NIPAL3: variants seen among roughly 807,000 people sequenced by gnomAD.
The protein encoded by NIPAL3 is NIPA-like protein 3.
Under a neutral mutation model 47.2 loss-of-function variants are expected in NIPAL3, and 41 were observed. The ratio of observed to expected loss-of-function variants is 0.87; its 90% confidence interval spans 0.68 to 1.13. NIPAL3 has a LOEUF of 1.13. Ranked by LOEUF, NIPAL3 falls within the 50% of genes most tolerant of loss-of-function variation. The pLI is 0.00. For missense variants in NIPAL3, 449 were observed against 530.1 expected (o/e 0.85, Z 1.50); for synonymous variants, 194 against 209.6 (o/e 0.93, Z 0.64).
At position 24,458,867 on chromosome 1, in the gene NIPAL3, T is replaced by C. The variant is rs766904762; in HGVS notation, c.774-21T>C. On this transcript the variant is annotated intron_variant, in intron 8 of 11. Coordinates refer to ENST00000374399, the MANE Select transcript of NIPAL3 (RefSeq NM_020448.5). ...TCCAACGTCTCCACAGCCCACTGAC[T>C]GGAGTGCTTTTGTGTTGAAGGTTTT... The C allele has an allele frequency of 2.3e-5, 37 of 1,604,748 alleles. 2 individuals are homozygous for C. The South Asian group carries it at 3.7e-4, about 16-fold the overall frequency.
At chr1:24,458,338 G>A (rs1646318676) in intron 8 of NIPAL3, among the ~76,000 whole-genome samples, 1 of 152,168 alleles carries the variant, frequency 6.6e-6, no homozygotes, top group Non-Finnish European at 1.5e-5. Flanking sequence ...CAGAGAAAGG[G>A]CAAAGAATAT....
At position 24,419,470 on chromosome 1, in the gene NIPAL3, T is replaced by G. The variant is rs1481287420; in HGVS notation, c.-78T>G. 35 of 1,454,046 alleles carry G rather than the reference T, an allele frequency of 2.4e-5. No individual in the cohort carries two copies. The highest frequency in any genetic ancestry group is 3.1e-5 in the Non-Finnish European group (34 of 1,099,642). 90.1% of individuals were successfully genotyped at this position (1,454,046 alleles called of 1,614,324 possible). On this transcript the variant is annotated 5_prime_UTR_variant, in exon 2 of 12. It removes an upstream start codon present in the reference 5' UTR. Transcript: ENST00000374399. ...GGGAGGTGAACACCACAAGGAGAGATGGCATCTGGCCTGGGCCCCGCCTAG... is the reference window on the plus strand; with the variant it reads ...GGGAGGTGAACACCACAAGGAGAGAGGGCATCTGGCCTGGGCCCCGCCTAG...
chr1:24,444,832 C>T (rs928415242), intron 4 of NIPAL3, among the ~76,000 whole-genome samples: 103 of 152,268 alleles, frequency 6.8e-4, no homozygotes, highest in African/African-American at 2.3e-3. Flanking sequence ...TTCATGATCT[C>T]GAGTGGGCCC....
intron 7 of NIPAL3, 70 bp downstream of exon 7, chr1:24,453,574 T>C: frequency 7.9e-7 from 1 of 1,260,078 alleles, no homozygotes; most frequent in African/African-American, 1.5e-5. Flanking sequence ...TGGGTTTTGT[T>C]TGCAGAGCTG....
chr1:24,445,379 G>C, intron 5 of NIPAL3, 135 bp downstream of exon 5: 1 of 564,976 alleles, frequency 1.8e-6, no homozygotes. Context: ...CCCTCAACAG[G>C]CTCCTGAGAG....
At chr1:24,418,006 C>T (rs1644138108) in intron 1 of NIPAL3, among the ~76,000 whole-genome samples, 1 of 152,202 alleles carries the variant, frequency 6.6e-6, no homozygotes. Flanking sequence ...TTAACAGCAG[C>T]TCACATTCAT....
At chr1:24,427,298 T>C (rs1644636497) in intron 2 of NIPAL3, among the ~76,000 whole-genome samples, 1 of 152,224 alleles carries the variant, frequency 6.6e-6, no homozygotes, top group South Asian at 2.1e-4. Flanking sequence ...GTACAAGCAG[T>C]GTAGCCCAGG....
intron 2 of NIPAL3, among the ~76,000 whole-genome samples, chr1:24,434,971 C>T (rs1440490284): frequency 6.6e-6 from 1 of 152,136 alleles, no homozygotes; most frequent in Non-Finnish European, 1.5e-5. Flanking sequence ...GGAAGAAGAA[C>T]AATGTTGAAG....
Position 24,454,143 on chromosome 1 carries a change from C to A in NIPAL3, c.637+639C>A. 1 of 1,241,992 alleles carries A rather than the reference C, an allele frequency of 8.1e-7. No homozygotes were observed. The highest frequency in any genetic ancestry group is 1.0e-6 in the Non-Finnish European group (1 of 966,646). 76.9% of individuals were successfully genotyped at this position (1,241,992 alleles called of 1,614,324 possible). On this transcript the variant is annotated intron_variant, in intron 7 of 11. Coordinates refer to ENST00000374399, the MANE Select transcript of NIPAL3 (RefSeq NM_020448.5). The surrounding 1 kb of genome is among the most constrained non-coding windows in gnomAD (Gnocchi z 4.1). ...CTGGCCTCAAGTGATCCCCCTGCCT[C>A]GGCCTCCCAAAGTGCCAGGATTACA...
intron 8 of NIPAL3, 87 bp from the exon 9 acceptor site, chr1:24,458,801 A>G: frequency 2.0e-6 from 2 of 1,010,752 alleles, no homozygotes; most frequent in South Asian, 1.3e-5. Flanking sequence ...TATCATCTTC[A>G]TATTTCAAAC....
chr1:24,446,295 C>CATGTGCAGG (rs1216807008), intron 5 of NIPAL3, among the ~76,000 whole-genome samples: 1 of 152,150 alleles, frequency 6.6e-6, no homozygotes, highest in Admixed American at 6.5e-5. Context: ...TTCAGGGGTA[C>CATGTGCAGG]ATGTGCAGGA....
chr1:24,428,409 G>A (rs182065473), intron 2 of NIPAL3, among the ~76,000 whole-genome samples: 2 of 151,798 alleles, frequency 1.3e-5, no homozygotes, highest in Non-Finnish European at 2.9e-5. Context: ...TCAGACCTTT[G>A]TTTGATCATA....
At chr1:24,455,382 C>A (rs1236511905) in intron 7 of NIPAL3, among the ~76,000 whole-genome samples, 1 of 152,192 alleles carries the variant, frequency 6.6e-6, no homozygotes, top group African/African-American at 2.4e-5. Context: ...AAATTATATT[C>A]CTGTACAAAT....
rs560143242 is a variant in NIPAL3, at chr1:24,439,044, G to A, written c.94-1128G>A. On this transcript the variant is annotated intron_variant, in intron 2 of 11. Transcript: ENST00000374399. ...TAATAGACACGGGGGACTCCAAAAC[G>A]GGGAGGGGTGGGGGTGAGAGTTGAA... is the stretch of plus-strand genomic sequence containing the variant. Among the ~76,000 whole-genome samples, 129 of 152,138 alleles carry A rather than the reference G, an allele frequency of 8.5e-4. 1 individual carries two copies. Among genetic ancestry groups the A allele is most frequent in the African/African-American group, 2.9e-3 (120 of 41,484 alleles).
At position 24,419,434 on chromosome 1, in the gene NIPAL3, C is replaced by G; in HGVS notation, c.-114C>G. 7.3e-7 allele frequency: 1 copy of G among 1,376,564 alleles called. No individual in the cohort carries two copies. The highest frequency in any genetic ancestry group is 1.7e-5 in the South Asian group (1 of 57,418). The allele number at this position is 1,376,564 out of a possible 1,614,324, so 85.3% of individuals were successfully genotyped here. A position where few individuals can be genotyped will look rare whatever the true frequency, so the allele number is the denominator to read the frequency against. ...GTATTCTTTTGTCATGAGGAAGTGA[C>G]GGCTGCTGGAGGGAGGTGAACACCA... On this transcript the variant is annotated 5_prime_UTR_variant, in exon 2 of 12. Coordinates refer to ENST00000374399, the MANE Select transcript of NIPAL3 (RefSeq NM_020448.5).
In NIPAL3 at chr1:24,454,604, A is replaced by G. The variant is rs1485866005; in HGVS notation, c.637+1100A>G. ...ACCATAAAGTTCACCTGTTTAAAGT[A>G]TACAATTCAGTGGTTTTTAGTATTT... On this transcript the variant is annotated intron_variant, in intron 7 of 11. Coordinates refer to ENST00000374399, the MANE Select transcript of NIPAL3 (RefSeq NM_020448.5). The surrounding 1 kb of genome is among the most constrained non-coding windows in gnomAD (Gnocchi z 4.1). 2.2e-6 allele frequency: 2 copies of G among 929,700 alleles called. No individual in the cohort carries two copies. The highest frequency in any genetic ancestry group is 2.6e-6 in the Non-Finnish European group (2 of 779,240). 57.6% of individuals were successfully genotyped at this position (929,700 alleles called of 1,614,324 possible). A position where few individuals can be genotyped will look rare whatever the true frequency, so the allele number is the denominator to read the frequency against.
At chr1:24,427,032 C>T (rs1321258958) in intron 2 of NIPAL3, among the ~76,000 whole-genome samples, 1 of 152,184 alleles carries the variant, frequency 6.6e-6, no homozygotes, top group African/African-American at 2.4e-5. Context: ...GAATGCTCCA[C>T]CCCTAAAATA....
chr1:24,469,309 A>C lies in NIPAL3; in HGVS notation c.*124A>C, dbSNP rs975133361. ...TGAGAACTCTATGGATGATGATCTC[A>C]AAAAGCCTTTGTCTCTGGGAAAGGA... On this transcript the variant is annotated 3_prime_UTR_variant, in exon 12 of 12. Transcript: ENST00000374399. 64 of 772,874 alleles carry C rather than the reference A, an allele frequency of 8.3e-5. No homozygotes were observed. Among genetic ancestry groups the C allele is most frequent in the Middle Eastern group, 3.7e-4 (1 of 2,668 alleles). 47.9% of individuals were successfully genotyped at this position (772,874 alleles called of 1,614,324 possible). A position where few individuals can be genotyped will look rare whatever the true frequency, so the allele number is the denominator to read the frequency against.
intron 6 of NIPAL3, among the ~76,000 whole-genome samples, chr1:24,452,282 T>A (rs1024058113): frequency 3.3e-5 from 5 of 152,206 alleles, no homozygotes; most frequent in African/African-American, 9.7e-5. Context: ...GTGGTAAGTT[T>A]CTACTGATAG....
Sources: allele counts gnomAD v4.1 joint callset (sites outside exome capture counted in the v4.1 genomes callset), GRCh38; gene constraint gnomAD v4.1.1; non-coding constraint Gnocchi (gnomAD v3.1); transcripts MANE v1.5; gene names NCBI Gene and HGNC (gene_info 2026-07-23, HGNC 2026-07-21).